Variants in EXO1 observed in about 807,000 individuals in gnomAD.
EXO1 encodes exonuclease 1.
EXO1 carries 69 observed loss-of-function variants against 84.5 expected under a neutral mutation model. The observed-to-expected ratio is 0.82, with a 90% CI of 0.67 to 1.00. The LOEUF (loss-of-function observed/expected upper bound fraction) is 1.00, where lower values mean the gene tolerates loss of function less well. EXO1 is among the 50% of genes least tolerant of loss of function. The pLI is 0.00. For synonymous variants in EXO1, 373 were observed against 366.1 expected (o/e 1.02, Z -0.21); for missense variants, 1,045 against 1,000.7 (o/e 1.04, Z -0.60).
intron 12 of EXO1, among the ~76,000 whole-genome samples, chr1:241,872,696 A>G (rs1473360912): frequency 6.6e-6 from 1 of 152,114 alleles, no homozygotes; most frequent in East Asian, 1.9e-4. Flanking sequence ...ATCGTTTTTT[A>G]TGACTGCATA....
At chr1:241,873,196 G>A (rs953321688) in intron 12 of EXO1, among the ~76,000 whole-genome samples, 3 of 151,886 alleles carry the variant, frequency 2.0e-5, no homozygotes, top group Non-Finnish European at 4.4e-5. Context: ...TTAACATTAG[G>A]TATATCTCCT....
At chr1:241,883,916 T>C (rs1476316713) in intron 14 of EXO1, among the ~76,000 whole-genome samples, 1 of 152,276 alleles carries the variant, frequency 6.6e-6, no homozygotes, top group African/African-American at 2.4e-5. Context: ...CATCATATTA[T>C]TATTATTATT....
In EXO1 at chr1:241,881,931, A is replaced by G. The variant is rs765333999; in HGVS notation, c.2125A>G (p.Ile709Val). Reference protein sequence around the residue: ...DSDSEESDCNIKLLDSQSDQT... With the variant: ...DSDSEESDCNVKLLDSQSDQT... ...GGGACTCTAGGAATCTGATTGCAAT[A>G]TTAAGTTACTTGACAGTCAAAGTGA... Residue 709 changes from isoleucine to valine, a missense_variant, in exon 14 of 16, where the codon ATT becomes GTT. Coordinates refer to ENST00000366548, the MANE Select transcript of EXO1 (RefSeq NM_130398.4). 6.4e-7 allele frequency: 1 copy of G among 1,559,284 alleles called. No individual in the cohort carries two copies. The highest frequency in any genetic ancestry group is 8.8e-7 in the Non-Finnish European group (1 of 1,133,646).
At chr1:241,854,174 G>T (rs563055585) in intron 6 of EXO1, among the ~76,000 whole-genome samples, 5 of 152,246 alleles carry the variant, frequency 3.3e-5, no homozygotes, top group Non-Finnish European at 7.3e-5. Flanking sequence ...TTTCACTCTT[G>T]TTGCCCAGGC....
At position 241,866,968 on chromosome 1, in the gene EXO1, C is replaced by A. The variant is rs1463860896; in HGVS notation, c.1180C>A (p.Pro394Thr). The change falls in exon 11 of 16, where the codon CCA (proline) becomes ACA (threonine). Residue 394 changes from proline to threonine, a missense_variant. Coordinates refer to ENST00000366548, the MANE Select transcript of EXO1 (RefSeq NM_130398.4). ...VSDAPQLKEN[P>T]STVGVERVIS... is the part of the protein sequence containing the mutation. ...AGATGCCCCACAATTGAAGGAAAAT[C>A]CAAGTACTGTGGGAGTGGAACGAGT... 1 of 1,613,976 alleles carries A rather than the reference C, an allele frequency of 6.2e-7. No homozygotes were observed. The highest frequency in any genetic ancestry group is 8.5e-7 in the Non-Finnish European group (1 of 1,179,922).
intron 10 of EXO1, among the ~76,000 whole-genome samples, chr1:241,862,795 CTT>C (rs879792346): frequency 5.3e-5 from 8 of 152,342 alleles, no homozygotes; most frequent in Non-Finnish European, 1.2e-4. Context: ...CCTCTTGCCT[CTT>C]TGAGTTGTCC....
rs146817102 is a variant in EXO1, at chr1:241,876,509, G to T, written c.1515-2240G>T. 1.6e-3 allele frequency among the ~76,000 whole-genome samples: 238 copies of T among 152,086 alleles called. 1 individual carries two copies. Among genetic ancestry groups the T allele is most frequent in the Non-Finnish European group, 7.1e-4 (48 of 67,986 alleles). On this transcript the variant is annotated intron_variant, in intron 12 of 15. Coordinates refer to ENST00000366548, the MANE Select transcript of EXO1 (RefSeq NM_130398.4). ...AGGGAGGAGAATAGCTTGAACCCAG[G>T]AGGAGGAGGTTGCAGAGAGTTGAGA...
chr1:241,882,036 T>G lies in EXO1; in HGVS notation c.2211+19T>G. On this transcript the variant is annotated intron_variant, in intron 14 of 15. Transcript: ENST00000366548. Reference sequence around the variant, plus strand: ...GAACAAGGTAAAACATTTATTTAATTTTTTTTTTAATTTCAGAAGCGGTGT... The same window carrying G: ...GAACAAGGTAAAACATTTATTTAATGTTTTTTTTAATTTCAGAAGCGGTGT... 7.8e-7 allele frequency: 1 copy of G among 1,277,544 alleles called. No homozygotes were observed. Among genetic ancestry groups the G allele is most frequent in the Non-Finnish European group, 1.1e-6 (1 of 878,678 alleles). 79.1% of individuals were successfully genotyped at this position (1,277,544 alleles called of 1,614,324 possible). A position where few individuals can be genotyped will look rare whatever the true frequency, so the allele number is the denominator to read the frequency against.
Position 241,855,071 on chromosome 1 carries a change from T to G in EXO1, c.405+1590T>G, listed in dbSNP as rs774522506. On this transcript the variant is annotated intron_variant, in intron 6 of 15. Coordinates refer to ENST00000366548, the MANE Select transcript of EXO1 (RefSeq NM_130398.4). ...ACCCAAAGAGTGAGCAGTAGCAAGATGTATTGCAAAGAGCGAAAGAACAAA... is the reference window on the plus strand; with the variant it reads ...ACCCAAAGAGTGAGCAGTAGCAAGAGGTATTGCAAAGAGCGAAAGAACAAA... Among the ~76,000 whole-genome samples the G allele has an allele frequency of 3.8e-4, 58 of 152,192 alleles. 1 individual carries two copies. The highest frequency in any genetic ancestry group is 6.0e-4 in the Non-Finnish European group (41 of 68,038).
chr1:241,866,845 A>G lies in EXO1; in HGVS notation c.1057A>G (p.Ser353Gly). Reference protein sequence around the residue: ...PDTAMPAHSRSHSWDDKTCQK... With the variant: ...PDTAMPAHSRGHSWDDKTCQK... ...CCTTTTCTAGCCTGCCCATTCAAGA[A>G]GTCATAGTTGGGATGACAAAACATG... is the stretch of plus-strand genomic sequence containing the variant. The change falls in exon 11 of 16, where the codon AGT (serine) becomes GGT (glycine). Residue 353 changes from serine (S) to glycine (G), a missense_variant. Physicochemically the swap from Ser to Gly is moderately conservative, Grantham distance 56. Transcript: ENST00000366548. 6.2e-7 allele frequency: 1 copy of G among 1,611,982 alleles called. No individual in the cohort carries two copies. Among genetic ancestry groups the G allele is most frequent in the Non-Finnish European group, 8.5e-7 (1 of 1,178,020 alleles).
At chr1:241,869,423 A>G (rs894381887) in intron 11 of EXO1, among the ~76,000 whole-genome samples, 1 of 152,234 alleles carries the variant, frequency 6.6e-6, no homozygotes, top group African/African-American at 2.4e-5. Flanking sequence ...AATGAAAAGA[A>G]TGATTATAAT....
chr1:241,851,859 A>T (rs1347663406), intron 4 of EXO1, among the ~76,000 whole-genome samples: 1 of 152,254 alleles, frequency 6.6e-6, no homozygotes, highest in Non-Finnish European at 1.5e-5. Context: ...TGAGTATTAG[A>T]TAATATTATG....
At chr1:241,876,133 A>C (rs1357400421) in intron 12 of EXO1, among the ~76,000 whole-genome samples, 1 of 152,186 alleles carries the variant, frequency 6.6e-6, no homozygotes, top group Non-Finnish European at 1.5e-5. Context: ...TGCTTTATGT[A>C]GTTTAGATGT....
At chr1:241,874,926 G>A (rs1662306636) in intron 12 of EXO1, among the ~76,000 whole-genome samples, 1 of 152,210 alleles carries the variant, frequency 6.6e-6, no homozygotes, top group African/African-American at 2.4e-5. Context: ...AACACTAAGA[G>A]AGAAAAGTTA....
intron 6 of EXO1, among the ~76,000 whole-genome samples, chr1:241,853,802 C>T (rs1376228799): frequency 2.0e-5 from 3 of 152,044 alleles, no homozygotes; most frequent in African/African-American, 7.2e-5. Context: ...CATTTGAGCT[C>T]AGGAATTTGA....
At chr1:241,883,360 G>A (rs1662876546) in intron 14 of EXO1, among the ~76,000 whole-genome samples, 1 of 152,170 alleles carries the variant, frequency 6.6e-6, no homozygotes. Context: ...AGGTCTGAGT[G>A]AGAGCCCACT....
chr1:241,876,305 A>G (rs2148498922), intron 12 of EXO1, among the ~76,000 whole-genome samples: 1 of 152,320 alleles, frequency 6.6e-6, no homozygotes, highest in South Asian at 2.1e-4. Context: ...ATGACTAGAC[A>G]GGGTATAGGC....
At chr1:241,863,191 T>G (rs945605079) in intron 10 of EXO1, among the ~76,000 whole-genome samples, 4 of 152,186 alleles carry the variant, frequency 2.6e-5, no homozygotes, top group Admixed American at 1.3e-4. Context: ...AGTAAGTCAT[T>G]TACTCTTCAG....
Position 241,889,624 on chromosome 1 carries a change from G to A in EXO1, c.*24G>A, listed in dbSNP as rs1304205758. 6.2e-7 allele frequency: 1 copy of A among 1,612,940 alleles called. No homozygotes were observed. The highest frequency in any genetic ancestry group is 8.5e-7 in the Non-Finnish European group (1 of 1,179,098). On this transcript the variant is annotated 3_prime_UTR_variant, in exon 16 of 16. Transcript: ENST00000366548. ...AAATGCAGACTGCTGCAAAGCTTTT[G>A]CCTGCAAGAGAATCTGATCAATTTG...
Sources: gnomAD v4.1 joint callset for allele counts (sites outside exome capture counted in the v4.1 genomes callset) on GRCh38, gnomAD v4.1.1 for gene constraint, MANE v1.5 for transcripts, NCBI Gene and HGNC (gene_info 2026-07-23, HGNC 2026-07-21) for gene names.